Variants in TMEM145 observed in about 807,000 individuals in gnomAD.
The protein encoded by TMEM145 is transmembrane protein 145.
A neutral mutation model predicts 68.5 loss-of-function variants in TMEM145; 46 were observed. The ratio of observed to expected loss-of-function variants is 0.67; its 90% CI spans 0.53 to 0.86. The LOEUF is 0.86. Ranked by LOEUF, TMEM145 falls within the 40% of genes least tolerant of loss-of-function variation. The pLI is 0.00. For missense variants in TMEM145, 570 were observed against 645.8 expected (o/e 0.88, Z 1.27); for synonymous variants, 255 against 280.2 (o/e 0.91, Z 0.90).
At chr19:42,318,806 GT>G (rs749455456) in intron 12 of TMEM145, among the ~76,000 whole-genome samples, 21 of 151,978 alleles carry the variant, frequency 1.4e-4, no homozygotes, top group Non-Finnish European at 2.8e-4. Context: ...TGTAGACTGG[GT>G]GCGCTGGCTC....
chr19:42,314,533 G>C lies in TMEM145; in HGVS notation c.273+5G>C. The stretch of plus-strand genomic sequence containing the variant: ...GTGTACAAGGCAGGGGACAAGGTGA[G>C]GGCTGTGAAGAGGGCATAGGGGGAG... On this transcript the variant is annotated splice_donor_5th_base_variant and intron_variant, in intron 3 of 14. Transcript: ENST00000301204. 1 of 1,614,178 alleles carries C rather than the reference G, an allele frequency of 6.2e-7. No homozygotes were observed. The highest frequency in any genetic ancestry group is 8.5e-7 in the Non-Finnish European group (1 of 1,180,024).
rs1363373785 is a variant in TMEM145, at chr19:42,316,510, T to C, written c.676T>C (p.Trp226Arg). 1.2e-6 allele frequency: 2 copies of C among 1,614,024 alleles called. No homozygotes were observed. The highest frequency in any genetic ancestry group is 1.7e-5 in the Admixed American group (1 of 59,996). The change falls in exon 9 of 15, where the codon TGG becomes CGG. Residue 226 changes from tryptophan (W) to arginine (R), a missense_variant. Trp to Arg is a moderately radical substitution (Grantham distance 101, BLOSUM62 -3). Transcript: ENST00000301204. ...VLSLLFFCIY[W>R]GQYATDGIGN... ...GAGCCTCCTATTTTTCTGCATCTAC[T>C]GGGGTCAATATGCCACCGATGGCAT... is the stretch of plus-strand genomic sequence containing the variant.
intron 13 of TMEM145, among the ~76,000 whole-genome samples, chr19:42,320,697 G>A (rs1297897667): frequency 6.6e-6 from 1 of 150,986 alleles, no homozygotes; most frequent in Non-Finnish European, 1.5e-5. Flanking sequence ...GCTTGATCTC[G>A]GCTCCCTGCA....
chr19:42,320,529 C>G (rs1272341280), intron 13 of TMEM145, 92 bp downstream of exon 13: 1 of 1,563,122 alleles, frequency 6.4e-7, no homozygotes, highest in Non-Finnish European at 8.7e-7. Flanking sequence ...ACCTCCTGTT[C>G]TGAGGTCTTG....
intron 9 of TMEM145, 41 bp from the exon 10 acceptor site, chr19:42,316,621 C>A: frequency 6.2e-7 from 1 of 1,613,714 alleles, no homozygotes; most frequent in Non-Finnish European, 8.5e-7. Context: ...GGCATCAGGT[C>A]TGAGCCTGGC....
Position 42,320,424 on chromosome 19 carries a change from ATG to A in TMEM145, c.1182_1183del (p.His394GlnfsTer40). 6.2e-7 allele frequency: 1 copy of A among 1,613,958 alleles called. No homozygotes were observed. Among genetic ancestry groups the A allele is most frequent in the South Asian group, 1.1e-5 (1 of 91,080 alleles). On this transcript the variant is annotated frameshift_variant, in exon 13 of 15. Transcript: ENST00000301204. LOFTEE classifies it high-confidence loss of function. ...CAGCTGGGGATCCACTTGTACGCCC[ATG>A]GCGTGTTTCTGGTGAGGATGGGCAT...
intron 11 of TMEM145, 95 bp downstream of exon 11, chr19:42,317,058 C>T: frequency 9.9e-7 from 1 of 1,013,622 alleles, no homozygotes; most frequent in Non-Finnish European, 1.5e-6. Flanking sequence ...CCACATCCTG[C>T]TCCTGCTGGC....
chr19:42,314,736 A>T, intron 4 of TMEM145, 37 bp downstream of exon 4: 1 of 1,614,146 alleles, frequency 6.2e-7, no homozygotes, highest in Non-Finnish European at 8.5e-7. Context: ...CAGGTGCTGA[A>T]GGATGAAGCC....
chr19:42,323,907 T>A, intron 14 of TMEM145, 118 bp downstream of exon 14: 1 of 870,450 alleles, frequency 1.1e-6, no homozygotes, highest in Non-Finnish European at 1.7e-6. Flanking sequence ...TCCTCCTGCC[T>A]TTCGCACTCC....
chr19:42,314,219 G>A, intron 1 of TMEM145, 53 bp from the exon 2 acceptor site: 1 of 1,601,916 alleles, frequency 6.2e-7, no homozygotes, highest in Non-Finnish European at 8.6e-7. Context: ...GGTCTATGGA[G>A]TAAAGAGTTC....
At position 42,324,769 on chromosome 19, in the gene TMEM145, C is replaced by T. The variant is rs755401506; in HGVS notation, c.1434C>T (p.Leu478=). ...PLPRAAPDSG[L]PLFRDLRPPG... ...CCCGAGCGGCGCCGGATTCTGGGCTCCCGCTGTTCCGTGACCTCCGGCCCC... is the reference window on the plus strand; with the variant it reads ...CCCGAGCGGCGCCGGATTCTGGGCTTCCGCTGTTCCGTGACCTCCGGCCCC... Residue 478 remains leucine (L), a synonymous_variant, in exon 15 of 15, where the codon CTC becomes CTT. Transcript: ENST00000301204. 1.2e-5 allele frequency: 19 copies of T among 1,566,248 alleles called. No homozygotes were observed. The highest frequency in any genetic ancestry group is 1.4e-5 in the Non-Finnish European group (16 of 1,164,140).
intron 11 of TMEM145, among the ~76,000 whole-genome samples, 196 bp downstream of exon 11, chr19:42,317,159 C>T (rs2038867679): frequency 6.6e-6 from 1 of 152,324 alleles, no homozygotes; most frequent in African/African-American, 2.4e-5. Flanking sequence ...CTTTCTTTCT[C>T]CTCCCTCTGT....
chr19:42,320,514 G>A lies in TMEM145; in HGVS notation c.1194+77G>A, dbSNP rs1039430681. ...TGTGTGAGGCTCCTACACCTGATCT[G>A]CTGGACCTCCTGTTCTGAGGTCTTG... On this transcript the variant is annotated intron_variant, in intron 13 of 14. Transcript: ENST00000301204. The A allele has an allele frequency of 4.4e-6, 7 of 1,592,542 alleles. No individual in the cohort carries two copies. The African/African-American group carries it at 8.1e-5, about 18-fold the overall frequency.
chr19:42,321,137 C>G (rs1034301401), intron 13 of TMEM145: 2 of 398,834 alleles, frequency 5.0e-6, no homozygotes, highest in African/African-American at 4.1e-5. Flanking sequence ...TCTGCCATCA[C>G]AGGCCACTGT....
intron 5 of TMEM145, 62 bp downstream of exon 5, chr19:42,314,913 A>G (rs1049745771): frequency 6.2e-7 from 1 of 1,613,866 alleles, no homozygotes; most frequent in Non-Finnish European, 8.5e-7. Flanking sequence ...TGGGGTGGCC[A>G]CCTGGACCAC....
At chr19:42,315,715 C>G (rs1444789851) in intron 8 of TMEM145, among the ~76,000 whole-genome samples, 1 of 151,880 alleles carries the variant, frequency 6.6e-6, no homozygotes, top group African/African-American at 2.4e-5. Context: ...ACCTGACACC[C>G]CTGGGTCCTT....
At chr19:42,323,539 G>C (rs774719675) in intron 13 of TMEM145, 44 bp from the exon 14 acceptor site, 23 of 1,596,570 alleles carry the variant, frequency 1.4e-5, no homozygotes, top group Non-Finnish European at 1.8e-5. Flanking sequence ...GACAGCCTCC[G>C]GCCTGACAGT....
At chr19:42,319,954 T>C (rs1006760437) in intron 12 of TMEM145, among the ~76,000 whole-genome samples, 1 of 149,648 alleles carries the variant, frequency 6.7e-6, no homozygotes, top group Non-Finnish European at 1.5e-5. Context: ...AGACGGGGTG[T>C]CACCATGTTG....
intron 8 of TMEM145, 88 bp downstream of exon 8, chr19:42,315,528 T>C (rs1568546805): frequency 7.3e-7 from 1 of 1,372,568 alleles, no homozygotes; most frequent in Non-Finnish European, 1.0e-6. Context: ...CCTGGGGGCC[T>C]GGACTCCTGG....
Sources: allele counts gnomAD v4.1 joint callset (sites outside exome capture counted in the v4.1 genomes callset), GRCh38; gene constraint gnomAD v4.1.1; transcripts MANE v1.5; gene names NCBI Gene and HGNC (gene_info 2026-07-23, HGNC 2026-07-21).